Variants in SAE1 observed in about 807,000 individuals in gnomAD.
SAE1 encodes the protein SUMO1 activating enzyme subunit 1, also known as SUMO-activating enzyme subunit 1.
Under a neutral mutation model 40.6 loss-of-function variants are expected in SAE1, and 11 were observed. That is an observed-to-expected ratio of 0.27 (90% CI 0.17 to 0.45). The LOEUF (loss-of-function observed/expected upper bound fraction) is 0.45, where lower values mean the gene tolerates loss of function less well. Ranked by LOEUF, SAE1 falls within the 20% of genes least tolerant of loss-of-function variation. The pLI is 1.00. For missense variants in SAE1, 373 were observed against 427.3 expected (o/e 0.87, Z 1.12); for synonymous variants, 155 against 154.3 (o/e 1.00, Z -0.03).
chr19:47,173,037 T>C (rs566957686), intron 6 of SAE1, among the ~76,000 whole-genome samples: 1 of 152,218 alleles, frequency 6.6e-6, no homozygotes, highest in Admixed American at 6.5e-5. Context: ...GTTCTTTTTC[T>C]TTTTCCCCAG....
At chr19:47,180,348 C>CT (rs1330473860) in intron 6 of SAE1, 1 of 440,982 alleles carries the variant, frequency 2.3e-6, no homozygotes, top group South Asian at 1.6e-5. Context: ...AGGAAGTGCT[C>CT]TAAGAATGAT....
At chr19:47,141,559 G>A (rs1242087068) in intron 1 of SAE1, among the ~76,000 whole-genome samples, 2 of 152,032 alleles carry the variant, frequency 1.3e-5, no homozygotes, top group Non-Finnish European at 2.9e-5. Context: ...GGAAGAGTTC[G>A]GGGAGGGGGA....
At chr19:47,145,234 C>G (rs1213977849) in intron 2 of SAE1, among the ~76,000 whole-genome samples, 3 of 152,172 alleles carry the variant, frequency 2.0e-5, no homozygotes, top group Non-Finnish European at 4.4e-5. Flanking sequence ...ACTCCGACCT[C>G]AGGTGATCCT....
intron 6 of SAE1, among the ~76,000 whole-genome samples, chr19:47,185,877 C>T (rs2058540844): frequency 6.7e-6 from 1 of 150,126 alleles, no homozygotes; most frequent in Non-Finnish European, 1.5e-5. Context: ...GCTGGGATTA[C>T]AGGCATGAGC....
Position 47,190,028 on chromosome 19 carries a change from C to T in SAE1, c.734-7205C>T, listed in dbSNP as rs1024171124. 3.3e-5 allele frequency among the ~76,000 whole-genome samples: 5 copies of T among 152,114 alleles called. No individual in the cohort carries two copies. In the East Asian group the frequency reaches 7.7e-4, roughly 23 times the overall value. On this transcript the variant is annotated intron_variant, in intron 6 of 8. Transcript: ENST00000270225. ...GTTTTTTCTATAAATAACGTGAAAC[C>T]GTGCTTGGTTTCTCTTTTCCAAAGT...
chr19:47,156,018 C>CATG (rs1262072054), intron 5 of SAE1, among the ~76,000 whole-genome samples: 1 of 151,968 alleles, frequency 6.6e-6, no homozygotes, highest in Non-Finnish European at 1.5e-5. Flanking sequence ...GGATTACAGG[C>CATG]ATGAGCCACC....
At chr19:47,206,858 C>T (rs1600222627) in intron 8 of SAE1, among the ~76,000 whole-genome samples, 1 of 152,318 alleles carries the variant, frequency 6.6e-6, no homozygotes, top group Admixed American at 6.5e-5. Flanking sequence ...ATTTCATTCT[C>T]ACCAAAACTC....
chr19:47,151,696 T>A (rs974768138), intron 3 of SAE1, among the ~76,000 whole-genome samples: 1 of 152,230 alleles, frequency 6.6e-6, no homozygotes, highest in African/African-American at 2.4e-5. Flanking sequence ...CCTAGTCCCT[T>A]CTATTTTTTA....
At chr19:47,201,006 C>T (rs544894394) in intron 7 of SAE1, among the ~76,000 whole-genome samples, 5 of 151,766 alleles carry the variant, frequency 3.3e-5, no homozygotes, top group East Asian at 1.9e-4. Context: ...TACGGGCATA[C>T]GCCACCATGC....
chr19:47,176,603 A>T (rs1171788420), intron 6 of SAE1, among the ~76,000 whole-genome samples: 1 of 152,188 alleles, frequency 6.6e-6, no homozygotes, highest in Non-Finnish European at 1.5e-5. Context: ...TGTGGCACCC[A>T]TCAGGCTTTT....
At chr19:47,147,961 C>T (rs898557329) in intron 2 of SAE1, among the ~76,000 whole-genome samples, 11 of 151,782 alleles carry the variant, frequency 7.2e-5, no homozygotes, top group Admixed American at 1.3e-4. Flanking sequence ...GGGGTTTCAC[C>T]GTATTAGCCA....
chr19:47,195,777 C>G (rs1352344688), intron 6 of SAE1, among the ~76,000 whole-genome samples: 2 of 146,948 alleles, frequency 1.4e-5, no homozygotes, highest in African/African-American at 5.0e-5. Context: ...ACTCTGTCAC[C>G]CAGGCTGGAG....
At chr19:47,144,951 C>T (rs2058246190) in intron 2 of SAE1, among the ~76,000 whole-genome samples, 1 of 151,960 alleles carries the variant, frequency 6.6e-6, no homozygotes, top group Admixed American at 6.6e-5. Flanking sequence ...CCTGCCTCAG[C>T]CTCTGAAGTA....
At chr19:47,208,999 A>G (rs938613174) in intron 8 of SAE1, among the ~76,000 whole-genome samples, 160 bp from the exon 9 acceptor site, 3 of 152,362 alleles carry the variant, frequency 2.0e-5, no homozygotes, top group Middle Eastern at 6.8e-3. Flanking sequence ...GCAAGGAGAT[A>G]GGACAATCAA....
chr19:47,189,024 G>A (rs1487576362), intron 6 of SAE1, among the ~76,000 whole-genome samples: 1 of 152,100 alleles, frequency 6.6e-6, no homozygotes, highest in Non-Finnish European at 1.5e-5. Context: ...GCTGTGAGAG[G>A]GTAGACCATC....
intron 5 of SAE1, among the ~76,000 whole-genome samples, chr19:47,155,662 G>A (rs1177727884): frequency 6.9e-6 from 1 of 144,262 alleles, no homozygotes; most frequent in East Asian, 2.1e-4. Context: ...GGCTGGTCTC[G>A]AACTCCTGAC....
At chr19:47,197,143 T>G (rs2058621028) in intron 6 of SAE1, 90 bp from the exon 7 acceptor site, 1 of 1,342,966 alleles carries the variant, frequency 7.4e-7, no homozygotes, top group Non-Finnish European at 1.0e-6. Flanking sequence ...ATTGTGCCAT[T>G]GCACTCCAGC....
At chr19:47,170,109 G>T (rs771131329) in intron 6 of SAE1, among the ~76,000 whole-genome samples, 186 bp downstream of exon 6, 5 of 152,162 alleles carry the variant, frequency 3.3e-5, no homozygotes, top group Non-Finnish European at 5.9e-5. Flanking sequence ...TTGAGCTCTG[G>T]GTTCTAATGA....
At chr19:47,142,946 T>C (rs549924196) in intron 1 of SAE1, among the ~76,000 whole-genome samples, 54 of 152,304 alleles carry the variant, frequency 3.5e-4, no homozygotes, top group African/African-American at 1.2e-3. Context: ...GGGCAGGGAC[T>C]ATGTCTGATT....
Sources: allele counts gnomAD v4.1 joint callset (sites outside exome capture counted in the v4.1 genomes callset), GRCh38; gene constraint gnomAD v4.1.1; transcripts MANE v1.5; gene names NCBI Gene and HGNC (gene_info 2026-07-23, HGNC 2026-07-21).